Variants in SPON1 observed in about 807,000 individuals in gnomAD.
SPON1 encodes the protein spondin-1.
SPON1 carries 52 observed loss-of-function variants against 111.7 expected under a neutral mutation model. The observed-to-expected ratio is 0.47, with a 90% confidence interval of 0.37 to 0.59. The LOEUF (loss-of-function observed/expected upper bound fraction) is 0.59, where lower values mean the gene tolerates loss of function less well. Ranked by LOEUF, SPON1 falls within the 20% of genes least tolerant of loss-of-function variation. The pLI is 0.00. For synonymous variants in SPON1, 410 were observed against 395.8 expected (o/e 1.04, Z -0.43); for missense variants, 957 against 1,068.5 (o/e 0.90, Z 1.46).
chr11:14,235,821 CA>C (rs1342704039), intron 6 of SPON1, among the ~76,000 whole-genome samples: 55 of 151,992 alleles, frequency 3.6e-4, no homozygotes, highest in African/African-American at 1.3e-3. Flanking sequence ...CCATGGACAT[CA>C]AAGTCCTCAC....
Position 14,198,797 on chromosome 11 carries a change from T to A in SPON1, c.826-44535T>A, listed in dbSNP as rs753198765. On this transcript the variant is annotated intron_variant, in intron 6 of 15. Transcript: ENST00000576479. The stretch of plus-strand genomic sequence containing the variant: ...GTAACTTTGTATAAACAAAAGTTAT[T>A]TGAAATGAACTTACTTAATAATTTA... Among the ~76,000 whole-genome samples the A allele has an allele frequency of 7.2e-4, 110 of 152,272 alleles. 1 individual carries two copies. Among genetic ancestry groups the A allele is most frequent in the Admixed American group, 2.6e-3 (40 of 15,288 alleles).
At chr11:14,219,598 T>A (rs1342994013) in intron 6 of SPON1, among the ~76,000 whole-genome samples, 1 of 152,192 alleles carries the variant, frequency 6.6e-6, no homozygotes, top group Non-Finnish European at 1.5e-5. Flanking sequence ...ATTTGGGTCA[T>A]ATTGTAGCCT....
At position 14,235,393 on chromosome 11, in the gene SPON1, A is replaced by G. The variant is rs76633677; in HGVS notation, c.826-7939A>G. On this transcript the variant is annotated intron_variant, in intron 6 of 15. Coordinates refer to ENST00000576479, the MANE Select transcript of SPON1 (RefSeq NM_006108.4). ...GGGGGAGATAGACAATAAAAAGTAA[A>G]TAAGGCAGGACATGGTGGCTCACGC... is the stretch of plus-strand genomic sequence containing the variant. Among the ~76,000 whole-genome samples, 995 of 152,190 alleles carry G rather than the reference A, an allele frequency of 6.5e-3. 10 individuals are homozygous for G. Among genetic ancestry groups the G allele is most frequent in the African/African-American group, 0.022 (930 of 41,526 alleles).
chr11:14,025,579 C>G (rs1848511568), intron 2 of SPON1, among the ~76,000 whole-genome samples: 2 of 152,182 alleles, frequency 1.3e-5, no homozygotes, highest in African/African-American at 4.8e-5. Flanking sequence ...CTAGGCATCA[C>G]TATTTTCACA....
At chr11:14,102,967 C>T (rs1554924529) in intron 5 of SPON1, among the ~76,000 whole-genome samples, 1 of 152,150 alleles carries the variant, frequency 6.6e-6, no homozygotes, top group African/African-American at 2.4e-5. Context: ...GTTCAGCTTG[C>T]ATTCTCTTTC....
chr11:14,239,070 C>G (rs191070425), intron 6 of SPON1, among the ~76,000 whole-genome samples: 2 of 152,252 alleles, frequency 1.3e-5, no homozygotes, highest in East Asian at 3.9e-4. Context: ...ATGTGAAATG[C>G]CCAGGGCCCT....
intron 6 of SPON1, among the ~76,000 whole-genome samples, chr11:14,153,732 C>G (rs1847811851): frequency 6.6e-6 from 1 of 152,174 alleles, no homozygotes; most frequent in African/African-American, 2.4e-5. Context: ...CAGATTAATT[C>G]AAATGCCCAA....
intron 5 of SPON1, among the ~76,000 whole-genome samples, chr11:14,088,851 A>T (rs1591372358): frequency 6.6e-6 from 1 of 150,444 alleles, no homozygotes; most frequent in Non-Finnish European, 1.5e-5. Context: ...TTTTTCTCTA[A>T]TCTAGTCCTC....
At chr11:14,076,659 G>C (rs568469094) in intron 4 of SPON1, among the ~76,000 whole-genome samples, 3 of 152,194 alleles carry the variant, frequency 2.0e-5, no homozygotes, top group Non-Finnish European at 4.4e-5. Context: ...CAAAGCAACT[G>C]CTTCCCAGTT....
chr11:14,197,947 C>G (rs1203640296), intron 6 of SPON1, among the ~76,000 whole-genome samples: 1 of 152,242 alleles, frequency 6.6e-6, no homozygotes, highest in African/African-American at 2.4e-5. Flanking sequence ...TCGTTTCTCT[C>G]TCCTTTTCAT....
intron 7 of SPON1, among the ~76,000 whole-genome samples, chr11:14,248,345 G>T (rs1849014329): frequency 6.6e-6 from 1 of 152,132 alleles, no homozygotes; most frequent in Non-Finnish European, 1.5e-5. Context: ...GCTCCAAGGG[G>T]ATGAAAGAGT....
At chr11:13,972,854 T>C (rs1308119201) in intron 1 of SPON1, among the ~76,000 whole-genome samples, 1 of 152,186 alleles carries the variant, frequency 6.6e-6, no homozygotes, top group Non-Finnish European at 1.5e-5. Context: ...GAAAAGGGAA[T>C]GCACTGATTC....
chr11:14,185,742 T>C (rs1286369504), intron 6 of SPON1, among the ~76,000 whole-genome samples: 1 of 152,274 alleles, frequency 6.6e-6, no homozygotes, highest in African/African-American at 2.4e-5. Context: ...TTTGTCTTTG[T>C]GATGGTTCTG....
chr11:14,187,855 A>G (rs926924780), intron 6 of SPON1, among the ~76,000 whole-genome samples: 13 of 150,632 alleles, frequency 8.6e-5, no homozygotes, highest in African/African-American at 3.2e-4. Context: ...ATCTCAGCTC[A>G]CCACAACCTC....
intron 3 of SPON1, among the ~76,000 whole-genome samples, chr11:14,072,347 A>C (rs2133828502): frequency 6.6e-6 from 1 of 152,242 alleles, no homozygotes; most frequent in South Asian, 2.1e-4. Context: ...CTAGTCCCCC[A>C]AAATTTTTAT....
intron 6 of SPON1, among the ~76,000 whole-genome samples, chr11:14,190,060 G>A (rs1483802599): frequency 6.6e-6 from 1 of 152,162 alleles, no homozygotes; most frequent in Non-Finnish European, 1.5e-5. Context: ...GGCAGGCGCT[G>A]GGTAGCATTT....
intron 2 of SPON1, among the ~76,000 whole-genome samples, chr11:14,003,928 T>C (rs1848339268): frequency 6.6e-6 from 1 of 152,168 alleles, no homozygotes; most frequent in South Asian, 2.1e-4. Context: ...CATCTTCCTA[T>C]TTTTTCCTTC....
At chr11:14,242,348 AG>A (rs1554939781) in intron 6 of SPON1, among the ~76,000 whole-genome samples, 1 of 152,224 alleles carries the variant, frequency 6.6e-6, no homozygotes, top group Non-Finnish European at 1.5e-5. Context: ...CCTGGAACTC[AG>A]GGATCTGTTC....
At chr11:14,091,928 G>A (rs11604412) in intron 5 of SPON1, among the ~76,000 whole-genome samples, 38,276 of 152,126 alleles carry the variant, frequency 0.25, 5,716 homozygotes, top group South Asian at 0.4. Context: ...GGGTGGCGGG[G>A]CGGGGGAGGC....
Sources: gnomAD v4.1 joint callset for allele counts (sites outside exome capture counted in the v4.1 genomes callset) on GRCh38, gnomAD v4.1.1 for gene constraint, MANE v1.5 for transcripts, NCBI Gene and HGNC (gene_info 2026-07-23, HGNC 2026-07-21) for gene names.